Variants in MAP7 observed in about 807,000 individuals in gnomAD.
The protein encoded by MAP7 is ensconsin.
In MAP7, 52 loss-of-function variants were observed where a neutral mutation model predicts 94.8. The observed-to-expected ratio is 0.55, with a 90% confidence interval of 0.44 to 0.69. The LOEUF (loss-of-function observed/expected upper bound fraction) is 0.69. Ranked by LOEUF, MAP7 falls within the 30% of genes least tolerant of loss-of-function variation. The pLI, the probability that MAP7 is intolerant of heterozygous loss-of-function variation, is 0.00. For missense variants in MAP7, 940 were observed against 964.6 expected (o/e 0.97, Z 0.34); for synonymous variants, 350 against 357.0 (o/e 0.98, Z 0.22).
At chr6:136,372,949 G>A (rs891462734) in intron 7 of MAP7, among the ~76,000 whole-genome samples, 2 of 152,112 alleles carry the variant, frequency 1.3e-5, no homozygotes, top group African/African-American at 4.8e-5. Flanking sequence ...GAGAGCAATG[G>A]TCTTATATTC....
At chr6:136,433,603 C>T (rs188461983) in intron 1 of MAP7, among the ~76,000 whole-genome samples, 4 of 152,358 alleles carry the variant, frequency 2.6e-5, no homozygotes, top group African/African-American at 4.8e-5. Context: ...CCACGCTATT[C>T]GGATTGGATC....
At chr6:136,368,054 G>A (rs1180603822) in intron 8 of MAP7, among the ~76,000 whole-genome samples, 1 of 151,838 alleles carries the variant, frequency 6.6e-6, no homozygotes, top group Non-Finnish European at 1.5e-5. Flanking sequence ...CCTATATAAA[G>A]GTATATAATC....
chr6:136,510,440 C>T (rs561454220), intron 1 of MAP7, among the ~76,000 whole-genome samples: 104 of 152,180 alleles, frequency 6.8e-4, no homozygotes, highest in Non-Finnish European at 1.3e-3. Flanking sequence ...CCGTGAGTTC[C>T]GGGCTTGACA....
At chr6:136,436,652 T>C (rs914056168) in intron 1 of MAP7, among the ~76,000 whole-genome samples, 22 of 152,212 alleles carry the variant, frequency 1.4e-4, no homozygotes, top group African/African-American at 5.3e-4. Context: ...AGCACTGCGA[T>C]TACAGGTGTG....
intron 1 of MAP7, among the ~76,000 whole-genome samples, chr6:136,456,200 A>G (rs1008807027): frequency 6.6e-6 from 1 of 152,198 alleles, no homozygotes; most frequent in East Asian, 1.9e-4. Flanking sequence ...CTGTCTTTGG[A>G]AAGATTAAGC....
intron 3 of MAP7, 106 bp from the exon 4 acceptor site, chr6:136,389,623 G>T: frequency 1.0e-6 from 1 of 994,064 alleles, no homozygotes; most frequent in Non-Finnish European, 1.5e-6. Flanking sequence ...GAACAAATAT[G>T]GGTTCTTTAG....
intron 11 of MAP7, among the ~76,000 whole-genome samples, chr6:136,361,395 G>C (rs1390025134): frequency 6.6e-6 from 1 of 152,216 alleles, no homozygotes; most frequent in African/African-American, 2.4e-5. Flanking sequence ...CTAAATAGAA[G>C]CAACGTGTAA....
chr6:136,364,368 A>G (rs1212204761), intron 10 of MAP7: 1 of 394,736 alleles, frequency 2.5e-6, no homozygotes, highest in Non-Finnish European at 4.9e-6. Flanking sequence ...TGCCCCCTCC[A>G]CCAATGCTGT....
intron 1 of MAP7, among the ~76,000 whole-genome samples, chr6:136,505,277 G>GTGTGTATATATATATA (rs1465266004): frequency 2.6e-4 from 14 of 53,832 alleles, no homozygotes; most frequent in East Asian, 7.7e-4. Flanking sequence ...GTGTGTGTGT[G>GTGTGTATATATATATA]TATATATATA....
intron 13 of MAP7, 102 bp from the exon 14 acceptor site, chr6:136,360,133 T>C (rs1562308853): frequency 7.0e-6 from 7 of 994,934 alleles, no homozygotes; most frequent in South Asian, 1.5e-5. Flanking sequence ...GTCTGTTATT[T>C]TGGAAAAATA....
At chr6:136,424,466 A>G (rs1033377122) in intron 1 of MAP7, among the ~76,000 whole-genome samples, 1 of 152,142 alleles carries the variant, frequency 6.6e-6, no homozygotes, top group African/African-American at 2.4e-5. Context: ...GTTGAGGTAA[A>G]GACAAGAGGA....
intron 16 of MAP7, among the ~76,000 whole-genome samples, chr6:136,354,108 ATATATATATATATAT>A (rs1374260570): frequency 3.1e-5 from 2 of 64,218 alleles, no homozygotes; most frequent in Non-Finnish European, 7.0e-5. Flanking sequence ...GGAATCTACT[ATATATATATATATAT>A]TATATATATA....
At chr6:136,515,437 GC>G (rs1486359874) in intron 1 of MAP7, among the ~76,000 whole-genome samples, 1 of 152,184 alleles carries the variant, frequency 6.6e-6, no homozygotes, top group Non-Finnish European at 1.5e-5. Context: ...GGCGCAAGAG[GC>G]CTAGCTCTCA....
intron 1 of MAP7, among the ~76,000 whole-genome samples, chr6:136,538,893 A>C (rs1372591692): frequency 6.6e-6 from 1 of 151,868 alleles, no homozygotes; most frequent in African/African-American, 2.4e-5. Flanking sequence ...GCCAGTGTAC[A>C]GCAACCTCCT....
chr6:136,499,997 AAAAC>A (rs564107394), intron 1 of MAP7, among the ~76,000 whole-genome samples: 7 of 152,100 alleles, frequency 4.6e-5, no homozygotes, highest in African/African-American at 1.5e-4. Flanking sequence ...CCCTTTCTCA[AAAAC>A]AAACAAACAA....
At chr6:136,448,846 GA>G (rs1020077565) in intron 1 of MAP7, among the ~76,000 whole-genome samples, 2 of 151,800 alleles carry the variant, frequency 1.3e-5, no homozygotes, top group East Asian at 1.9e-4. Flanking sequence ...CAAGAAAGGG[GA>G]AAAAAACAAT....
rs1340670967 is a variant in MAP7 at position 136,343,903 on chromosome 6, C to A, written c.*325G>T. 2 of 184,248 alleles carry A rather than the reference C, an allele frequency of 1.1e-5. No individual in the cohort carries two copies. The highest frequency in any genetic ancestry group is 2.3e-5 in the African/African-American group (1 of 42,940). 11.4% of individuals were successfully genotyped at this position (184,248 alleles called of 1,614,324 possible). On this transcript the variant is annotated 3_prime_UTR_variant, in exon 18 of 18. Coordinates refer to ENST00000354570, the MANE Select transcript of MAP7 (RefSeq NM_003980.6). ...AGCTTTTAAGACCAAAAAAATCATG[C>A]CTAGTCAGCCCATTTCTTTTATAAC... is the stretch of plus-strand genomic sequence containing the variant.
chr6:136,373,493 C>T (rs1212569064), intron 7 of MAP7, among the ~76,000 whole-genome samples: 1 of 152,224 alleles, frequency 6.6e-6, no homozygotes, highest in Non-Finnish European at 1.5e-5. Context: ...TACATAGCTT[C>T]TGACCATTAC....
intron 3 of MAP7, among the ~76,000 whole-genome samples, chr6:136,404,054 C>CT (rs916840011): frequency 1.2e-4 from 18 of 150,548 alleles, no homozygotes; most frequent in South Asian, 2.1e-4. Flanking sequence ...CCTCTGACCC[C>CT]TTTTTTTTTC....
Sources: allele counts gnomAD v4.1 joint callset (sites outside exome capture counted in the v4.1 genomes callset), GRCh38; gene constraint gnomAD v4.1.1; transcripts MANE v1.5; gene names NCBI Gene and HGNC (gene_info 2026-07-23, HGNC 2026-07-21).